Variants in ADAMTSL1 observed in about 807,000 individuals in gnomAD.
ADAMTSL1 encodes the protein ADAMTS like 1.
A neutral mutation model predicts 201.8 loss-of-function variants in ADAMTSL1; 126 were observed. The ratio of observed to expected loss-of-function variants is 0.62; its 90% CI spans 0.54 to 0.72. ADAMTSL1 has a LOEUF of 0.72. Ranked by LOEUF, ADAMTSL1 falls within the 30% of genes least tolerant of loss-of-function variation. The pLI is 0.00. For synonymous variants in ADAMTSL1, 1,121 were observed against 903.4 expected (o/e 1.24, Z -4.32); for missense variants, 2,679 against 2,277.8 (o/e 1.18, Z -3.59).
Position 18,543,027 on chromosome 9 carries a change from A to C in ADAMTSL1, c.237+9735A>C, listed in dbSNP as rs117134683. On this transcript the variant is annotated intron_variant, in intron 3 of 28. Transcript: ENST00000380548. ...CTCTAGAAAAACAGACTTTCTATAC[A>C]ATGCCCAGTTATTAGGCTGGACAGT... 7.1e-3 allele frequency among the ~76,000 whole-genome samples: 1,081 copies of C among 152,268 alleles called. 11 individuals carry two copies. The highest frequency in any genetic ancestry group is 9.4e-3 in the Admixed American group (144 of 15,292).
At chr9:18,262,255 G>C (rs1379887761) in intron 2 of ADAMTSL1, among the ~76,000 whole-genome samples, 8 of 152,036 alleles carry the variant, frequency 5.3e-5, no homozygotes, top group Admixed American at 2.0e-4. Flanking sequence ...ATATATTAGG[G>C]GGTGGTGGAG....
At chr9:18,397,922 T>A (rs1280711253) in intron 2 of ADAMTSL1, among the ~76,000 whole-genome samples, 1 of 152,136 alleles carries the variant, frequency 6.6e-6, no homozygotes, top group African/African-American at 2.4e-5. Context: ...CCAGCCTCCA[T>A]AAAGATGGAA....
rs770800017 is a variant in ADAMTSL1, at chr9:18,770,615, G to A, written c.2231G>A (p.Cys744Tyr). ...PAQWQPCSRT[C>Y]GGGVQKREVL... is the part of the protein sequence containing the mutation. ...TTCTTTCCCCAGTGTTCCAGAACGT[G>A]TGGCGGGGGTGTTCAGAAACGTGAG... The change falls in exon 17 of 29, where the codon TGT (cysteine) becomes TAT (tyrosine). Residue 744 changes from cysteine to tyrosine, a missense_variant. Coordinates refer to ENST00000380548, the MANE Select transcript of ADAMTSL1 (RefSeq NM_001040272.6). 1.2e-6 allele frequency: 2 copies of A among 1,612,364 alleles called. No individual in the cohort carries two copies. The highest frequency in any genetic ancestry group is 2.7e-5 in the African/African-American group (2 of 74,864).
At chr9:18,057,022 T>C (rs538003697) in intron 1 of ADAMTSL1, among the ~76,000 whole-genome samples, 1 of 152,358 alleles carries the variant, frequency 6.6e-6, no homozygotes, top group African/African-American at 2.4e-5. Flanking sequence ...AATTCCTCCC[T>C]GCAAAATAGC....
intron 23 of ADAMTSL1, among the ~76,000 whole-genome samples, chr9:18,863,461 AG>A (rs1337396334): frequency 6.6e-6 from 1 of 152,196 alleles, no homozygotes; most frequent in Non-Finnish European, 1.5e-5. Flanking sequence ...AATGTCTTAA[AG>A]TTAGTTTTCT....
chr9:18,249,570 GA>G (rs1352076567), intron 2 of ADAMTSL1, among the ~76,000 whole-genome samples: 5 of 151,788 alleles, frequency 3.3e-5, no homozygotes, highest in African/African-American at 4.8e-5. Context: ...AAGACATCCA[GA>G]AAAAAAATTA....
At chr9:18,787,501 T>C (rs1244073273) in intron 19 of ADAMTSL1, among the ~76,000 whole-genome samples, 1 of 152,152 alleles carries the variant, frequency 6.6e-6, no homozygotes, top group Non-Finnish European at 1.5e-5. Context: ...TCCTAGCACA[T>C]GGCAGAGTTC....
At chr9:18,593,908 A>C (rs1315395616) in intron 4 of ADAMTSL1, among the ~76,000 whole-genome samples, 2 of 152,060 alleles carry the variant, frequency 1.3e-5, no homozygotes, top group Admixed American at 1.3e-4. Flanking sequence ...ATGTTCTATA[A>C]ATATCTATTA....
rs371029664 is a variant in ADAMTSL1, at chr9:17,967,153, C to T, written c.87+60231C>T. ...GCCAGTTTGATCATTGTCTCTAGGG[C>T]ATGTCCGGATGTAGGTAGGAAATAA... On this transcript the variant is annotated intron_variant, in intron 1 of 29. Transcript: ENST00000680146. Among the ~76,000 whole-genome samples, 14 of 152,190 alleles carry T rather than the reference C, an allele frequency of 9.2e-5. No homozygotes were observed. In the East Asian group the frequency reaches 1.2e-3, roughly 13 times the overall value.
intron 23 of ADAMTSL1, among the ~76,000 whole-genome samples, chr9:18,851,623 C>A (rs1432293634): frequency 6.6e-6 from 1 of 152,062 alleles, no homozygotes; most frequent in Non-Finnish European, 1.5e-5. Context: ...TCAGGGTTGG[C>A]GTGGGGTTTT....
rs143877450 is a variant in ADAMTSL1, at chr9:18,017,701, C to G, written c.87+110779C>G. 1.5e-4 allele frequency among the ~76,000 whole-genome samples: 23 copies of G among 152,084 alleles called. No homozygotes were observed. In the East Asian group the frequency reaches 3.5e-3, roughly 23 times the overall value. The stretch of plus-strand genomic sequence containing the variant: ...CATGATTTTTCACCCTCTGGAGGAG[C>G]TGTGAACTGGCTACGTTTCAATTTA... On this transcript the variant is annotated intron_variant, in intron 1 of 29. Coordinates refer to the ADAMTSL1 transcript ENST00000680146.
chr9:18,270,489 C>G (rs964288510), intron 2 of ADAMTSL1, among the ~76,000 whole-genome samples: 1 of 152,150 alleles, frequency 6.6e-6, no homozygotes, highest in African/African-American at 2.4e-5. Flanking sequence ...GAAGCTGAAT[C>G]TTTGATAAGG....
At chr9:18,480,667 C>T (rs1821679197) in intron 1 of ADAMTSL1, among the ~76,000 whole-genome samples, 2 of 152,150 alleles carry the variant, frequency 1.3e-5, no homozygotes. Flanking sequence ...CCAGTACTTA[C>T]TCATAAGTAA....
chr9:18,164,240 A>G (rs186126668), intron 2 of ADAMTSL1, among the ~76,000 whole-genome samples: 1 of 152,110 alleles, frequency 6.6e-6, no homozygotes, highest in Admixed American at 6.6e-5. Flanking sequence ...GAGGATTCAC[A>G]TTAAGACACT....
intron 26 of ADAMTSL1, among the ~76,000 whole-genome samples, chr9:18,903,913 A>G (rs940317111): frequency 6.6e-6 from 1 of 151,970 alleles, no homozygotes; most frequent in East Asian, 1.9e-4. Flanking sequence ...TCAAAGGTCA[A>G]CTATACTCAC....
intron 1 of ADAMTSL1, among the ~76,000 whole-genome samples, chr9:18,074,356 T>C (rs1823099835): frequency 6.6e-6 from 1 of 152,088 alleles, no homozygotes; most frequent in African/African-American, 2.4e-5. Flanking sequence ...TGCAAATAGG[T>C]GTGGAGCAGA....
In ADAMTSL1 at chr9:18,843,092, T is replaced by G. The variant is rs536896267; in HGVS notation, c.4249+13115T>G. Among the ~76,000 whole-genome samples, 6 of 151,498 alleles carry G rather than the reference T, an allele frequency of 4.0e-5. No individual in the cohort carries two copies. The East Asian group carries it at 7.7e-4, about 19-fold the overall frequency. Reference sequence around the variant, plus strand: ...TCCTGTCATTATGATGTTAGCTGGTTATTTTGCTCGTTAGTTGATGCAGTT... The same window carrying G: ...TCCTGTCATTATGATGTTAGCTGGTGATTTTGCTCGTTAGTTGATGCAGTT... On this transcript the variant is annotated intron_variant, in intron 23 of 28. Coordinates refer to ENST00000380548, the MANE Select transcript of ADAMTSL1 (RefSeq NM_001040272.6).
chr9:18,013,004 C>T (rs59264562), intron 1 of ADAMTSL1, among the ~76,000 whole-genome samples: 6,464 of 70,440 alleles, frequency 0.092, 402 homozygotes, highest in African/African-American at 0.27. Context: ...TTTTTTTTTT[C>T]TTTAGCACAT....
At chr9:18,425,522 CT>C (rs1819171619) in intron 2 of ADAMTSL1, among the ~76,000 whole-genome samples, 1 of 152,066 alleles carries the variant, frequency 6.6e-6, no homozygotes, top group Non-Finnish European at 1.5e-5. Context: ...AAGTATAGTT[CT>C]TAGTTTTACA....
Sources: allele counts gnomAD v4.1 joint callset (sites outside exome capture counted in the v4.1 genomes callset), GRCh38; gene constraint gnomAD v4.1.1; transcripts MANE v1.5; gene names NCBI Gene and HGNC (gene_info 2026-07-23, HGNC 2026-07-21).